The following CATSPERB variants were observed in gnomAD, a reference collection of about 807,000 sequenced individuals.
The protein encoded by CATSPERB is cation channel sperm-associated auxiliary subunit beta.
In CATSPERB, 93 loss-of-function variants were observed where a neutral mutation model predicts 128.3. That is an observed-to-expected ratio of 0.72 (90% CI 0.61 to 0.86). CATSPERB has a LOEUF of 0.86. CATSPERB is among the 40% of genes least tolerant of loss of function. CATSPERB has a pLI of 0.00. For missense variants in CATSPERB, 1,153 were observed against 1,329.5 expected, an observed-to-expected ratio of 0.87 and a Z score of 2.06; for synonymous variants, 381 against 448.8, an observed-to-expected ratio of 0.85 and a Z score of 1.91.
intron 26 of CATSPERB, among the ~76,000 whole-genome samples, chr14:91,585,979 G>A (rs1893290777): frequency 6.6e-6 from 1 of 152,172 alleles, no homozygotes; most frequent in Non-Finnish European, 1.5e-5. Flanking sequence ...TGTGGGTGGT[G>A]GTTTCAATGT....
intron 5 of CATSPERB, among the ~76,000 whole-genome samples, chr14:91,713,952 TC>T (rs1895886569): frequency 6.6e-6 from 1 of 152,130 alleles, no homozygotes; most frequent in Admixed American, 6.5e-5. Flanking sequence ...AGATAATACA[TC>T]ATGACCAAGT....
At chr14:91,582,679 G>A (rs936742407) in intron 26 of CATSPERB, among the ~76,000 whole-genome samples, 1 of 152,078 alleles carries the variant, frequency 6.6e-6, no homozygotes, top group African/African-American at 2.4e-5. Context: ...TCATAAGCCA[G>A]TCAGCACACT....
chr14:91,636,212 A>G (rs1894371049), intron 17 of CATSPERB: 1 of 483,552 alleles, frequency 2.1e-6, no homozygotes, highest in African/African-American at 1.9e-5. Flanking sequence ...AAAATACAAA[A>G]CTTAGCCGGG....
chr14:91,717,287 C>T (rs757806012), intron 5 of CATSPERB, among the ~76,000 whole-genome samples: 2 of 152,058 alleles, frequency 1.3e-5, no homozygotes, highest in Admixed American at 6.6e-5. Flanking sequence ...GACTGCAGTG[C>T]TCACGGTTGT....
At chr14:91,588,447 G>A (rs914839113) in intron 24 of CATSPERB, among the ~76,000 whole-genome samples, 1 of 152,048 alleles carries the variant, frequency 6.6e-6, no homozygotes, top group South Asian at 2.1e-4. Flanking sequence ...CACGTGCTTC[G>A]TGTTTTTGGC....
rs959123291 is a variant in CATSPERB, at chr14:91,636,596, G to T, written c.1588-17C>A. On this transcript the variant is annotated splice_polypyrimidine_tract_variant and intron_variant, in intron 16 of 26. Coordinates refer to ENST00000256343, the MANE Select transcript of CATSPERB (RefSeq NM_024764.4). ...ATCTGGAGGCTGGAAACAGAGAAAAGAAAATATTATATTTAAACTACTTTA... is the reference window on the plus strand; with the variant it reads ...ATCTGGAGGCTGGAAACAGAGAAAATAAAATATTATATTTAAACTACTTTA... 2.5e-6 allele frequency: 4 copies of T among 1,591,846 alleles called. No homozygotes were observed. The South Asian group carries it at 3.4e-5, about 14-fold the overall frequency.
At chr14:91,655,385 T>C (rs1894769897) in intron 15 of CATSPERB, among the ~76,000 whole-genome samples, 1 of 152,196 alleles carries the variant, frequency 6.6e-6, no homozygotes. Context: ...ATGTGACCTT[T>C]CAGACAGAGA....
chr14:91,585,587 A>T (rs1321871068), intron 26 of CATSPERB, among the ~76,000 whole-genome samples: 4 of 152,064 alleles, frequency 2.6e-5, no homozygotes, highest in Admixed American at 2.6e-4. Flanking sequence ...CTTATAATTG[A>T]TCATTTTCTA....
At position 91,624,994 on chromosome 14, in the gene CATSPERB, C is replaced by T. The variant is rs2139791173; in HGVS notation, c.1756G>A (p.Ala586Thr). 1 of 1,575,372 alleles carries T rather than the reference C, an allele frequency of 6.3e-7. No homozygotes were observed. The highest frequency in any genetic ancestry group is 8.6e-7 in the Non-Finnish European group (1 of 1,167,516). Residue 586 changes from alanine to threonine, a missense_variant, in exon 18 of 27, where the codon GCT becomes ACT. Ala to Thr is a moderately conservative substitution (Grantham distance 58). Transcript: ENST00000256343. ...TGTTGCAATACCTTTCTTATGTAAG[C>T]TCTTCCAGTTTTCCTAAAAACAAAT... ...KVIHSGKTGRAYIRKVLQHTT... is the reference protein window; with the variant it reads ...KVIHSGKTGRTYIRKVLQHTT...
chr14:91,691,579 A>AT, intron 9 of CATSPERB, 24 bp from the exon 10 acceptor site: 1 of 1,592,656 alleles, frequency 6.3e-7, no homozygotes. Flanking sequence ...AGAAACTTTA[A>AT]TTTTTGCTTG....
At chr14:91,692,922 A>G (rs1895495681) in intron 9 of CATSPERB, among the ~76,000 whole-genome samples, 1 of 152,242 alleles carries the variant, frequency 6.6e-6, no homozygotes, top group Non-Finnish European at 1.5e-5. Context: ...TTTGTAGAGC[A>G]ATACAACTAG....
chr14:91,595,703 C>T (rs1893496124), intron 22 of CATSPERB, among the ~76,000 whole-genome samples: 1 of 152,210 alleles, frequency 6.6e-6, no homozygotes, highest in South Asian at 2.1e-4. Flanking sequence ...AAGTTTGCTT[C>T]CTTAAAGAAA....
chr14:91,724,549 G>A (rs1018120366), intron 3 of CATSPERB, among the ~76,000 whole-genome samples: 1 of 152,000 alleles, frequency 6.6e-6, no homozygotes, highest in African/African-American at 2.4e-5. Context: ...TAGACAATCT[G>A]TGCATTTTTT....
intron 22 of CATSPERB, among the ~76,000 whole-genome samples, chr14:91,600,299 A>G (rs570378113): frequency 6.6e-6 from 1 of 152,328 alleles, no homozygotes; most frequent in African/African-American, 2.4e-5. Context: ...AGCAATTATT[A>G]TAGCTATTCT....
intron 1 of CATSPERB, among the ~76,000 whole-genome samples, chr14:91,731,102 TC>T (rs1436287162): frequency 2.0e-5 from 3 of 152,212 alleles, no homozygotes; most frequent in Non-Finnish European, 4.4e-5. Flanking sequence ...TGCTAAACAT[TC>T]AAATTAAATG....
chr14:91,618,126 T>C (rs1243312703), intron 19 of CATSPERB, among the ~76,000 whole-genome samples: 1 of 152,190 alleles, frequency 6.6e-6, no homozygotes, highest in East Asian at 1.9e-4. Context: ...CTCCCCTTTT[T>C]AGACTATATA....
chr14:91,610,477 TACCGGCA>T lies in CATSPERB; in HGVS notation c.2594_2598+2del. On this transcript the variant is annotated splice_donor_variant and coding_sequence_variant, in exon 21 of 27. Transcript: ENST00000256343. LOFTEE classifies it high-confidence loss of function. ...ACCAATATACTTAGATTTTTTTTTT[TACCGGCA>T]AAGTTTTGATGAGGTTAAAACCCTG... 6.2e-7 allele frequency: 1 copy of T among 1,608,272 alleles called. No individual in the cohort carries two copies. The highest frequency in any genetic ancestry group is 1.7e-5 in the Admixed American group (1 of 58,822).
intron 15 of CATSPERB, among the ~76,000 whole-genome samples, chr14:91,646,860 T>TC (rs1231438431): frequency 6.6e-6 from 1 of 152,184 alleles, no homozygotes; most frequent in African/African-American, 2.4e-5. Flanking sequence ...ATAGCTTCTT[T>TC]CCCCCCTAGA....
At chr14:91,596,235 A>C (rs1416576336) in intron 22 of CATSPERB, among the ~76,000 whole-genome samples, 1 of 151,630 alleles carries the variant, frequency 6.6e-6, no homozygotes, top group Non-Finnish European at 1.5e-5. Flanking sequence ...ACAGAGTCTT[A>C]CTCTGTCACC....
Sources: allele counts gnomAD v4.1 joint callset (sites outside exome capture counted in the v4.1 genomes callset), GRCh38; gene constraint gnomAD v4.1.1; transcripts MANE v1.5; gene names NCBI Gene and HGNC (gene_info 2026-07-23, HGNC 2026-07-21).